The following PFDN1 variants were observed in gnomAD, a reference collection of about 807,000 sequenced individuals.
PFDN1 encodes prefoldin 1.
PFDN1 carries 6 observed loss-of-function variants against 17.3 expected under a neutral mutation model. The observed-to-expected ratio is 0.35, with a 90% confidence interval of 0.19 to 0.69. The LOEUF is 0.69. Ranked by LOEUF, PFDN1 falls within the 30% of genes least tolerant of loss-of-function variation. The pLI is 0.65. For missense variants in PFDN1, 113 were observed against 146.2 expected (o/e 0.77, Z 1.17); for synonymous variants, 58 against 50.1 (o/e 1.16, Z -0.67).
chr5:140,283,714 A>G (rs1765445514), intron 2 of PFDN1, among the ~76,000 whole-genome samples: 1 of 152,218 alleles, frequency 6.6e-6, no homozygotes, highest in South Asian at 2.1e-4. Context: ...GCTATTTCAG[A>G]TAAGATTATG....
intron 3 of PFDN1, among the ~76,000 whole-genome samples, chr5:140,264,058 A>AAAAAAAAAAAAAAAC (rs1765103575): frequency 7.5e-6 from 1 of 134,028 alleles, no homozygotes; most frequent in African/African-American, 2.9e-5. Context: ...AAAAAAAAAA[A>AAAAAAAAAAAAAAAC]ATCACGGTAG....
At chr5:140,271,389 A>G (rs1765202586) in intron 3 of PFDN1, among the ~76,000 whole-genome samples, 1 of 152,238 alleles carries the variant, frequency 6.6e-6, no homozygotes, top group Non-Finnish European at 1.5e-5. Context: ...AAATCCCAAT[A>G]TATGCACAAT....
chr5:140,284,758 C>T (rs941562004), intron 2 of PFDN1, among the ~76,000 whole-genome samples: 2 of 152,184 alleles, frequency 1.3e-5, no homozygotes, highest in Non-Finnish European at 2.9e-5. Flanking sequence ...ATTATATAAC[C>T]TGAATTCGAG....
At chr5:140,247,384 C>T (rs1221117563) in intron 3 of PFDN1, among the ~76,000 whole-genome samples, 3 of 151,936 alleles carry the variant, frequency 2.0e-5, no homozygotes, top group Non-Finnish European at 2.9e-5. Context: ...AAGCGATCCT[C>T]CCTCCTCGGT....
chr5:140,262,572 T>G (rs1212088681), intron 3 of PFDN1: 1 of 455,806 alleles, frequency 2.2e-6, no homozygotes. Flanking sequence ...GCCCTACCAA[T>G]GGCAATGTTT....
chr5:140,257,481 G>A lies in PFDN1; in HGVS notation c.286-11424C>T, dbSNP rs116229915. ...TTCCTTGAGATACTTTTAGGTGGCT[G>A]TCTGCTTCTTTTCATTCACATCTTA... On this transcript the variant is annotated intron_variant, in intron 3 of 3. Coordinates refer to ENST00000261813, the MANE Select transcript of PFDN1 (RefSeq NM_002622.5). Among the ~76,000 whole-genome samples the A allele has an allele frequency of 2.6e-3, 392 of 152,326 alleles. 5 individuals carry two copies. The highest frequency in any genetic ancestry group is 8.8e-3 in the African/African-American group (364 of 41,576).
intron 3 of PFDN1, among the ~76,000 whole-genome samples, chr5:140,262,022 T>A (rs1054161408): frequency 2.0e-5 from 3 of 152,194 alleles, no homozygotes; most frequent in Non-Finnish European, 4.4e-5. Context: ...GAATTTAATA[T>A]GCTAATAGCT....
chr5:140,249,745 G>T (rs1175224797), intron 3 of PFDN1, among the ~76,000 whole-genome samples: 2 of 152,198 alleles, frequency 1.3e-5, no homozygotes, highest in African/African-American at 4.8e-5. Flanking sequence ...CATGTGGCCA[G>T]AGAGGAAATG....
intron 3 of PFDN1, among the ~76,000 whole-genome samples, chr5:140,256,297 T>C (rs1764984698): frequency 6.6e-6 from 1 of 151,902 alleles, no homozygotes; most frequent in Non-Finnish European, 1.5e-5. Flanking sequence ...TGAGAATCGC[T>C]TGAACCCAGG....
At chr5:140,298,643 G>A (rs1051937371) in intron 2 of PFDN1, among the ~76,000 whole-genome samples, 59 of 152,084 alleles carry the variant, frequency 3.9e-4, no homozygotes, top group Admixed American at 3.3e-3. Context: ...AATGTACGAA[G>A]TTAATAATGT....
chr5:140,273,953 A>G, intron 3 of PFDN1: 2 of 932,410 alleles, frequency 2.1e-6, no homozygotes, highest in Non-Finnish European at 2.6e-6. Context: ...CAAAAAAAAC[A>G]TAAGGCAATG....
At chr5:140,294,512 G>A (rs965713889) in intron 2 of PFDN1, among the ~76,000 whole-genome samples, 4 of 151,952 alleles carry the variant, frequency 2.6e-5, no homozygotes, top group Non-Finnish European at 5.9e-5. Context: ...AAGGGAAGCT[G>A]CATATATTTC....
At chr5:140,302,570 C>A (rs910137761) in intron 1 of PFDN1, among the ~76,000 whole-genome samples, 2 of 152,138 alleles carry the variant, frequency 1.3e-5, no homozygotes, top group Admixed American at 1.3e-4. Context: ...GTTTTCCGAA[C>A]TGTAGATATT....
chr5:140,262,950 A>G (rs1013789221), intron 3 of PFDN1, among the ~76,000 whole-genome samples: 1 of 152,234 alleles, frequency 6.6e-6, no homozygotes, highest in African/African-American at 2.4e-5. Context: ...AATATGCTCA[A>G]TCAGTAAACA....
intron 2 of PFDN1, among the ~76,000 whole-genome samples, chr5:140,291,755 A>G (rs911738796): frequency 1.3e-5 from 2 of 152,190 alleles, no homozygotes; most frequent in Non-Finnish European, 2.9e-5. Context: ...ACAGTAAAGG[A>G]AGCTGAAAAG....
intron 3 of PFDN1, among the ~76,000 whole-genome samples, chr5:140,275,390 C>T (rs1765274546): frequency 7.2e-6 from 1 of 138,832 alleles, no homozygotes; most frequent in African/African-American, 2.7e-5. Flanking sequence ...GCCTGGGAGA[C>T]AGAACGAGAC....
chr5:140,282,610 T>C (rs371158332), intron 2 of PFDN1, among the ~76,000 whole-genome samples: 6 of 152,242 alleles, frequency 3.9e-5, no homozygotes, highest in African/African-American at 1.4e-4. Context: ...TTTCAACTTT[T>C]TCCATTTTAC....
At chr5:140,257,786 A>G (rs1191894155) in intron 3 of PFDN1, among the ~76,000 whole-genome samples, 2 of 152,194 alleles carry the variant, frequency 1.3e-5, no homozygotes, top group Non-Finnish European at 2.9e-5. Flanking sequence ...CAAAGCACAC[A>G]CTTATCCCTG....
At chr5:140,259,647 G>T (rs1225345458) in intron 3 of PFDN1, among the ~76,000 whole-genome samples, 1 of 152,192 alleles carries the variant, frequency 6.6e-6, no homozygotes, top group Non-Finnish European at 1.5e-5. Flanking sequence ...TTGGCCTGTA[G>T]GCATGGTAAA....
Sources: gnomAD v4.1 joint callset for allele counts (sites outside exome capture counted in the v4.1 genomes callset) on GRCh38, gnomAD v4.1.1 for gene constraint, MANE v1.5 for transcripts, NCBI Gene and HGNC (gene_info 2026-07-23, HGNC 2026-07-21) for gene names.